Variants in MYO16 observed in about 807,000 individuals in gnomAD.
MYO16 encodes the protein myosin XVI.
A neutral mutation model predicts 205.3 loss-of-function variants in MYO16; 94 were observed. That is an observed-to-expected ratio of 0.46 (90% CI 0.39 to 0.54). The LOEUF (loss-of-function observed/expected upper bound fraction) is 0.54, where lower values mean the gene tolerates loss of function less well. MYO16 is among the 20% of genes least tolerant of loss of function. The pLI is 0.00. For missense variants in MYO16, 2,315 were observed against 2,387.5 expected (o/e 0.97, Z 0.63); for synonymous variants, 988 against 954.0 (o/e 1.04, Z -0.66).
At chr13:108,789,491 AATG>A (rs774421907) in intron 5 of MYO16, among the ~76,000 whole-genome samples, 45 of 152,128 alleles carry the variant, frequency 3.0e-4, no homozygotes, top group Admixed American at 5.9e-4. Flanking sequence ...GTTTATTTGA[AATG>A]CTGTCCCTGC....
intron 34 of MYO16, among the ~76,000 whole-genome samples, chr13:109,194,388 G>A (rs1880058199): frequency 6.6e-6 from 1 of 152,104 alleles, no homozygotes. Flanking sequence ...GTGACTTTAG[G>A]CTTGAAAGGT....
chr13:108,570,953 G>A, the MYO16 span, among the ~76,000 whole-genome samples: 1 of 152,030 alleles, frequency 6.6e-6, no homozygotes, highest in Non-Finnish European at 1.5e-5. Context: ...TAGCTTTAAG[G>A]ACAAGTAATT....
intron 21 of MYO16, among the ~76,000 whole-genome samples, chr13:109,004,288 A>AT (rs1885316946): frequency 1.3e-5 from 2 of 152,092 alleles, no homozygotes. Flanking sequence ...CAAAGAAGAT[A>AT]TTTTCCAGTG....
rs558162802 is a variant in MYO16, at chr13:108,933,679, G to T, written c.1925+23529G>T. On this transcript the variant is annotated intron_variant, in intron 16 of 34. Coordinates refer to ENST00000457511, the MANE Select transcript of MYO16 (RefSeq NM_001198950.3). Reference sequence around the variant, plus strand: ...TATATTATGTGATGCTGAGGTTTGTGGTACGAATGATCCCTTTACCCAGGT... The same window carrying T: ...TATATTATGTGATGCTGAGGTTTGTTGTACGAATGATCCCTTTACCCAGGT... 4.6e-5 allele frequency among the ~76,000 whole-genome samples: 7 copies of T among 152,128 alleles called. No homozygotes were observed. The South Asian group carries it at 1.5e-3, about 32-fold the overall frequency.
At chr13:108,872,036 C>T (rs1879093571) in intron 12 of MYO16, among the ~76,000 whole-genome samples, 1 of 152,196 alleles carries the variant, frequency 6.6e-6, no homozygotes, top group African/African-American at 2.4e-5. Flanking sequence ...ATTATTTGCC[C>T]TCAGATACCT....
At chr13:108,878,263 C>T (rs542343212) in intron 12 of MYO16, among the ~76,000 whole-genome samples, 2 of 152,220 alleles carry the variant, frequency 1.3e-5, no homozygotes, top group Non-Finnish European at 2.9e-5. Flanking sequence ...ACCATGACCC[C>T]ATCCTGTACC....
intron 27 of MYO16, among the ~76,000 whole-genome samples, chr13:109,095,318 C>T (rs894725948): frequency 1.6e-4 from 25 of 152,078 alleles, no homozygotes; most frequent in Admixed American, 1.6e-3. Flanking sequence ...AAGTCCCTCT[C>T]CAGTTGCTCC....
Position 108,972,351 on chromosome 13 carries a change from C to CATATATAT in MYO16, c.2369+7489_2369+7496dup, listed in dbSNP as rs869041443. Among the ~76,000 whole-genome samples the CATATATAT allele has an allele frequency of 6.3e-4, 11 of 17,456 alleles. 1 individual carries two copies. The highest frequency in any genetic ancestry group is 8.9e-4 in the Non-Finnish European group (8 of 8,992). The allele number at this position is 17,456 out of a possible 152,430, so 11.5% of individuals were successfully genotyped here. On this transcript the variant is annotated intron_variant, in intron 20 of 34. Coordinates refer to ENST00000457511, the MANE Select transcript of MYO16 (RefSeq NM_001198950.3). ...CCATCTATATATATATATATATAGCCATATATATATATATATATATATATA... is the reference window on the plus strand; with the variant it reads ...CCATCTATATATATATATATATAGCCATATATATATATATATATATATATATATATATA...
chr13:108,636,346 CTTTTTT>C (rs71125326), intron 1 of MYO16, among the ~76,000 whole-genome samples: 1,261 of 80,858 alleles, frequency 0.016, 10 homozygotes, highest in South Asian at 0.022. Flanking sequence ...AAATATTTCC[CTTTTTT>C]TTTTTTTTTT....
intron 29 of MYO16, among the ~76,000 whole-genome samples, chr13:109,120,774 A>G (rs1369831623): frequency 6.6e-6 from 1 of 152,062 alleles, no homozygotes; most frequent in Non-Finnish European, 1.5e-5. Flanking sequence ...TCATTTTCTG[A>G]TAATAAAAAG....
chr13:108,720,532 C>T lies in MYO16; in HGVS notation c.364-6908C>T, dbSNP rs532617086. ...TATCTCACTCAAATTGTGCACCTCA[C>T]GTCACTTCTTCTTCCCCCATAGCTA... is the stretch of plus-strand genomic sequence containing the variant. On this transcript the variant is annotated intron_variant, in intron 3 of 34. Coordinates refer to ENST00000457511, the MANE Select transcript of MYO16 (RefSeq NM_001198950.3). 9.2e-5 allele frequency among the ~76,000 whole-genome samples: 14 copies of T among 152,262 alleles called. No homozygotes were observed. The South Asian group carries it at 1.7e-3, about 18-fold the overall frequency.
At chr13:108,552,085 C>G in the MYO16 span, among the ~76,000 whole-genome samples, 2 of 152,144 alleles carry the variant, frequency 1.3e-5, no homozygotes, top group African/African-American at 4.8e-5. Context: ...TATGAGGACC[C>G]TGACTGAGGT....
At position 109,162,391 on chromosome 13, in the gene MYO16, C is replaced by T. The variant is rs1359307767; in HGVS notation, c.5165-2510C>T. Among the ~76,000 whole-genome samples, 1 of 152,160 alleles carries T rather than the reference C, an allele frequency of 6.6e-6. No individual in the cohort carries two copies. The highest frequency in any genetic ancestry group is 1.9e-4 in the East Asian group (1 of 5,184). On this transcript the variant is annotated intron_variant, in intron 32 of 34. Coordinates refer to ENST00000457511, the MANE Select transcript of MYO16 (RefSeq NM_001198950.3). This position sits in a 1 kb window ranked among gnomAD's most constrained non-coding sequence, Gnocchi z 4.6. The stretch of plus-strand genomic sequence containing the variant: ...CCTCTCAGTTCCTCTTTGGTGGTTT[C>T]CCAGGCCCTGACTCATTAGTACCTG...
intron 16 of MYO16, 145 bp downstream of exon 16, chr13:108,910,295 A>C (rs1051434687): frequency 7.0e-6 from 6 of 858,128 alleles, no homozygotes; most frequent in South Asian, 1.8e-5. Context: ...GAAACCATCC[A>C]CATAACAAGG....
At chr13:108,818,416 AAAAG>A (rs969300936) in intron 7 of MYO16, among the ~76,000 whole-genome samples, 27 of 148,246 alleles carry the variant, frequency 1.8e-4, no homozygotes, top group African/African-American at 6.3e-4. Flanking sequence ...ATAAAAATAA[AAAAG>A]AGAGAGATTA....
intron 31 of MYO16, among the ~76,000 whole-genome samples, chr13:109,137,913 G>A (rs960448235): frequency 1.3e-5 from 2 of 152,294 alleles, no homozygotes; most frequent in African/African-American, 2.4e-5. Flanking sequence ...TGGCCTGTTG[G>A]TTCTCATCTT....
At chr13:108,833,390 A>C (rs1264036022) in intron 9 of MYO16, among the ~76,000 whole-genome samples, 3 of 152,322 alleles carry the variant, frequency 2.0e-5, no homozygotes, top group African/African-American at 4.8e-5. Flanking sequence ...CAGAAAAAAA[A>C]CAAAAATGTA....
chr13:109,133,671 A>T (rs904734206), intron 31 of MYO16, among the ~76,000 whole-genome samples: 3 of 152,190 alleles, frequency 2.0e-5, no homozygotes, highest in Non-Finnish European at 4.4e-5. Context: ...GTGATCATGG[A>T]CTGTCTTCCC....
intron 4 of MYO16, among the ~76,000 whole-genome samples, chr13:108,743,421 G>A (rs1019228778): frequency 5.9e-5 from 9 of 152,124 alleles, no homozygotes; most frequent in Non-Finnish European, 1.0e-4. Context: ...AGGGTGATAG[G>A]GAATATCAGA....
Sources: gnomAD v4.1 joint callset for allele counts (sites outside exome capture counted in the v4.1 genomes callset) on GRCh38, gnomAD v4.1.1 for gene constraint, Gnocchi (gnomAD v3.1) non-coding constraint, MANE v1.5 for transcripts, NCBI Gene and HGNC (gene_info 2026-07-23, HGNC 2026-07-21) for gene names.